PDZRN4: variants seen among roughly 807,000 people sequenced by gnomAD.
The protein encoded by PDZRN4 is PDZ domain-containing RING finger protein 4.
Under a neutral mutation model 99.0 loss-of-function variants are expected in PDZRN4, and 70 were observed. That is an observed-to-expected ratio of 0.71 (90% CI 0.58 to 0.86). The LOEUF is 0.86. Among genes scored for constraint, PDZRN4 ranks in the 40% least tolerant of loss-of-function variants. PDZRN4 has a pLI of 0.00. For missense variants in PDZRN4, 1,474 were observed against 1,331.2 expected (o/e 1.11, Z -1.67); for synonymous variants, 551 against 501.6 (o/e 1.10, Z -1.32).
At chr12:41,450,649 C>T (rs545032889) in intron 3 of PDZRN4, among the ~76,000 whole-genome samples, 1 of 150,052 alleles carries the variant, frequency 6.7e-6, no homozygotes, top group African/African-American at 2.5e-5. Context: ...AGACCAAGTG[C>T]CGTGGCTCAT....
At chr12:41,438,540 T>G (rs1486258512) in intron 3 of PDZRN4, among the ~76,000 whole-genome samples, 1 of 152,186 alleles carries the variant, frequency 6.6e-6, no homozygotes, top group Admixed American at 6.5e-5. Flanking sequence ...ATATATGCTA[T>G]GTCCTGGCTG....
intron 3 of PDZRN4, among the ~76,000 whole-genome samples, chr12:41,400,988 A>C (rs1370398854): frequency 6.6e-6 from 1 of 152,134 alleles, no homozygotes; most frequent in Admixed American, 6.6e-5. Context: ...TGTAGTTGGC[A>C]TTCTCATTCA....
chr12:41,228,168 A>G (rs1167231719), intron 3 of PDZRN4, among the ~76,000 whole-genome samples: 1 of 152,172 alleles, frequency 6.6e-6, no homozygotes, highest in Non-Finnish European at 1.5e-5. Context: ...AACGTTATGA[A>G]CAATCCTCCT....
chr12:41,466,645 G>C (rs1952928336), intron 3 of PDZRN4, among the ~76,000 whole-genome samples: 1 of 151,842 alleles, frequency 6.6e-6, no homozygotes, highest in Admixed American at 6.6e-5. Flanking sequence ...GTGGAGGGGG[G>C]GACACCTAAG....
At chr12:41,390,006 A>C (rs1265158067) in intron 3 of PDZRN4, among the ~76,000 whole-genome samples, 1 of 152,230 alleles carries the variant, frequency 6.6e-6, no homozygotes, top group Non-Finnish European at 1.5e-5. Context: ...AAAATAAGAT[A>C]AATTAATGGC....
chr12:41,242,359 C>A (rs1486899666), intron 3 of PDZRN4, among the ~76,000 whole-genome samples: 3 of 152,080 alleles, frequency 2.0e-5, no homozygotes, highest in African/African-American at 7.2e-5. Flanking sequence ...CAGAGTTCTG[C>A]AGTCCATCAT....
At chr12:41,501,396 A>T (rs1016865667) in intron 3 of PDZRN4, among the ~76,000 whole-genome samples, 5 of 152,152 alleles carry the variant, frequency 3.3e-5, no homozygotes, top group Non-Finnish European at 7.4e-5. Context: ...TCAAAGGGGA[A>T]CAGCTCAAAT....
At chr12:41,411,068 T>TATATATATATATATATATATA (rs1555141008) in intron 3 of PDZRN4, among the ~76,000 whole-genome samples, 23 of 83,994 alleles carry the variant, frequency 2.7e-4, no homozygotes, top group African/African-American at 1.4e-3. Context: ...TATATATATA[T>TATATATATATATATATATATA]TTTTTTTTTA....
chr12:41,212,629 A>G (rs1950895903), intron 3 of PDZRN4, among the ~76,000 whole-genome samples: 1 of 152,044 alleles, frequency 6.6e-6, no homozygotes, highest in Non-Finnish European at 1.5e-5. Context: ...ACTACACCTA[A>G]GACACTGGAA....
chr12:41,246,407 A>G (rs1352311141), intron 3 of PDZRN4, among the ~76,000 whole-genome samples: 1 of 152,230 alleles, frequency 6.6e-6, no homozygotes, highest in Admixed American at 6.5e-5. Flanking sequence ...GCAACAGATT[A>G]TGCTGTGTGG....
chr12:41,525,473 GAC>G (rs1938552974), intron 5 of PDZRN4, among the ~76,000 whole-genome samples: 1 of 151,972 alleles, frequency 6.6e-6, no homozygotes, highest in Non-Finnish European at 1.5e-5. Flanking sequence ...TATCATGGCT[GAC>G]ACATATGTGA....
chr12:41,568,005 A>G (rs1172967437), intron 9 of PDZRN4, 106 bp downstream of exon 9: 1 of 651,904 alleles, frequency 1.5e-6, no homozygotes, highest in Non-Finnish European at 2.7e-6. Context: ...TTAATCCATC[A>G]TCTCTATCAT....
intron 9 of PDZRN4, among the ~76,000 whole-genome samples, chr12:41,571,554 G>GA (rs967950658): frequency 2.0e-5 from 3 of 151,508 alleles, no homozygotes; most frequent in African/African-American, 4.8e-5. Flanking sequence ...ATTTATCTTT[G>GA]AAAAAAAATC....
In PDZRN4 at chr12:41,573,321, C is replaced by A; in HGVS notation, c.2542C>A (p.Arg848=). 1.3e-5 allele frequency: 21 copies of A among 1,613,288 alleles called. No homozygotes were observed. Among genetic ancestry groups the A allele is most frequent in the Non-Finnish European group, 1.8e-5 (21 of 1,180,008 alleles). Residue 848 remains arginine (R), a synonymous_variant, in exon 10 of 10, where the codon CGG becomes AGG. Coordinates refer to ENST00000402685, the MANE Select transcript of PDZRN4 (RefSeq NM_001164595.2). ...YRYANIPAHA[R]HYQSYMQLIQ... is the part of the protein sequence containing the mutation. ...ATATGCAAACATCCCAGCACACGCC[C>A]GGCATTATCAAAGCTACATGCAGTT...
intron 3 of PDZRN4, among the ~76,000 whole-genome samples, chr12:41,352,436 A>G (rs1424374594): frequency 6.6e-6 from 1 of 152,234 alleles, no homozygotes; most frequent in South Asian, 2.1e-4. Flanking sequence ...TCTACTCAGG[A>G]TAAGATACCT....
At position 41,572,686 on chromosome 12, in the gene PDZRN4, A is replaced by G; in HGVS notation, c.1907A>G (p.Lys636Arg). The change falls in exon 10 of 10, where the codon AAG becomes AGG. Residue 636 changes from lysine to arginine, a missense_variant. Coordinates refer to ENST00000402685, the MANE Select transcript of PDZRN4 (RefSeq NM_001164595.2). ...RFRQLLELKCKIRNHGEYDLY... is the reference protein window; with the variant it reads ...RFRQLLELKCRIRNHGEYDLY... ...AGGCAGCTCTTGGAGCTCAAATGCA[A>G]GATTCGAAATCATGGAGAGTATGAC... 1.9e-6 allele frequency: 3 copies of G among 1,614,170 alleles called. No individual in the cohort carries two copies. The South Asian group carries it at 3.3e-5, about 18-fold the overall frequency.
chr12:41,529,736 C>G (rs776721330), intron 5 of PDZRN4, among the ~76,000 whole-genome samples: 25 of 152,294 alleles, frequency 1.6e-4, no homozygotes, highest in Non-Finnish European at 3.2e-4. Flanking sequence ...AATCACTCCT[C>G]AAAATCCTTC....
chr12:41,460,550 A>G (rs1264619381), intron 3 of PDZRN4, among the ~76,000 whole-genome samples: 1 of 152,220 alleles, frequency 6.6e-6, no homozygotes, highest in Non-Finnish European at 1.5e-5. Flanking sequence ...AGGCAGGAGT[A>G]TGGAGAAATA....
At chr12:41,555,631 C>A in intron 6 of PDZRN4, 67 bp from the exon 7 acceptor site, 2 of 1,169,504 alleles carry the variant, frequency 1.7e-6, no homozygotes, top group South Asian at 1.3e-5. Flanking sequence ...TATTTTAAAG[C>A]CATATTTTTA....
Sources: gnomAD v4.1 joint callset for allele counts (sites outside exome capture counted in the v4.1 genomes callset) on GRCh38, gnomAD v4.1.1 for gene constraint, MANE v1.5 for transcripts, NCBI Gene and HGNC (gene_info 2026-07-23, HGNC 2026-07-21) for gene names.